HR: variants seen among roughly 807,000 people sequenced by gnomAD.
HR encodes lysine-specific demethylase hairless.
Under a neutral mutation model 128.6 loss-of-function variants are expected in HR, and 83 were observed. The observed-to-expected ratio is 0.65, with a 90% CI of 0.54 to 0.77. The LOEUF (loss-of-function observed/expected upper bound fraction) is 0.77, where lower values mean the gene tolerates loss of function less well. Ranked by LOEUF, HR falls within the 30% of genes least tolerant of loss-of-function variation. The pLI is 0.00. For synonymous variants in HR, 681 were observed against 658.2 expected (o/e 1.03, Z -0.53); for missense variants, 1,490 against 1,574.6 (o/e 0.95, Z 0.91).
intron 16 of HR, 79 bp from the exon 17 acceptor site, chr8:22,117,118 G>T: frequency 7.4e-7 from 1 of 1,357,876 alleles, no homozygotes; most frequent in Non-Finnish European, 9.7e-7. Context: ...GGACTTTCCA[G>T]AGGCCAGGGG....
At position 22,127,538 on chromosome 8, in the gene HR, G is replaced by A. The variant is rs1424089534; in HGVS notation, c.904C>T (p.Leu302Phe). Residue 302 changes from leucine (L) to phenylalanine (F), a missense_variant, in exon 3 of 19, where the codon CTT (leucine) becomes TTT (phenylalanine). Transcript: ENST00000381418. ...NVWAGPGDGN[L>F]GYQLGPPATP... ...GCTGGTGGCCCCAGCTGGTACCCAA[G>A]GTTCCCATCGCCTGGCCCAGCCCAG... 1.9e-6 allele frequency: 3 copies of A among 1,613,132 alleles called. No individual in the cohort carries two copies. The South Asian group carries it at 3.3e-5, about 18-fold the overall frequency.
upstream of HR, chr8:22,131,024 C>G (rs546226328): frequency 1.3e-5 from 2 of 152,376 alleles, no homozygotes; most frequent in Admixed American, 1.3e-4. Flanking sequence ...AGTGGGGAAG[C>G]TGCTCCGCCG....
chr8:22,118,920 G>T, intron 16 of HR, 30 bp downstream of exon 16: 1 of 1,578,788 alleles, frequency 6.3e-7, no homozygotes, highest in Non-Finnish European at 8.7e-7. Flanking sequence ...TGGGCGGGGG[G>T]AAGGGGAGGG....
Position 22,127,262 on chromosome 8 carries a change from G to T in HR, c.1180C>A (p.Pro394Thr). 6.2e-7 allele frequency: 1 copy of T among 1,613,168 alleles called. No individual in the cohort carries two copies. Among genetic ancestry groups the T allele is most frequent in the Non-Finnish European group, 8.5e-7 (1 of 1,180,016 alleles). Residue 394 changes from proline to threonine, a missense_variant, in exon 3 of 19, where the codon CCA (proline) becomes ACA (threonine). Pro to Thr is a conservative substitution (Grantham distance 38). Around this residue, in one of 3 missense-constraint regions of HR, gnomAD observed 1,060 missense variants for 1,060.9 expected, o/e 1.00. Coordinates refer to ENST00000381418, the MANE Select transcript of HR (RefSeq NM_005144.5). ...LTRHSEQFECPRGCPEVEERP... is the reference protein window; with the variant it reads ...LTRHSEQFECTRGCPEVEERP... ...TCCTCGACCTCAGGGCAGCCGCGTG[G>T]ACATTCAAACTGCTCCGAGTGCCGT... is the stretch of plus-strand genomic sequence containing the variant.
In HR at chr8:22,120,736, C is replaced by A; in HGVS notation, c.2590G>T (p.Glu864Ter). ...CTCACCTGGCCCTGCCTCCAGTGCT[C>A]CTGGAAGAGGTGGAAGCCACGCCGA... The part of the protein sequence containing the change: ...CPRRGFHLFQ[E>*]HWRQGQPVLV... The change falls in exon 11 of 19, where the codon GAG (glutamate) becomes TAG (stop). Residue 864 changes from glutamate to a stop codon, truncating the protein, a stop_gained. Transcript: ENST00000381418. LOFTEE classifies it high-confidence loss of function. 1 of 1,506,316 alleles carries A rather than the reference C, an allele frequency of 6.6e-7. No homozygotes were observed. Among genetic ancestry groups the A allele is most frequent in the East Asian group, 2.5e-5 (1 of 40,526 alleles). The allele number at this position is 1,506,316 out of a possible 1,614,324, so 93.3% of individuals were successfully genotyped here.
chr8:22,117,016 G>C lies in HR; in HGVS notation c.3237C>G (p.Ala1079=), dbSNP rs749243543. Residue 1079 remains alanine, a synonymous_variant, in exon 17 of 19, where the codon GCC becomes GCG. Coordinates refer to ENST00000381418, the MANE Select transcript of HR (RefSeq NM_005144.5). ...AGCTGCCTGGGGCGCCAGGCTCCAG[G>C]GCGCCTGCCCCGGCCGGGCACACCT... ...LQMVCPAGAG[A]LEPGAPGSCY... 6.6e-7 allele frequency: 1 copy of C among 1,520,284 alleles called. No homozygotes were observed. The highest frequency in any genetic ancestry group is 1.2e-5 in the South Asian group (1 of 81,118). The allele number at this position is 1,520,284 out of a possible 1,614,324, so 94.2% of individuals were successfully genotyped here.
intron 6 of HR, 32 bp downstream of exon 6, chr8:22,123,617 T>TTGGGGGCGGCC: frequency 3.4e-6 from 1 of 292,092 alleles, no homozygotes; most frequent in Non-Finnish European, 6.2e-6. Context: ...GAGGGCTCCA[T>TTGGGGGCGGCC]CCCGCCCTCC....
At chr8:22,123,617 T>TGG in intron 6 of HR, 32 bp downstream of exon 6, 17 of 292,080 alleles carry the variant, frequency 5.8e-5, no homozygotes, top group Non-Finnish European at 8.7e-5. Flanking sequence ...GAGGGCTCCA[T>TGG]CCCGCCCTCC....
intron 16 of HR, 181 bp downstream of exon 16, chr8:22,118,769 C>A: frequency 1.6e-6 from 1 of 614,040 alleles, no homozygotes. Flanking sequence ...CTCTGAGCCC[C>A]ACGGCAGAAC....
intron 9 of HR, 26 bp from the exon 10 acceptor site, chr8:22,121,254 G>A (rs370739747): frequency 6.2e-7 from 1 of 1,611,490 alleles, no homozygotes; most frequent in South Asian, 1.1e-5. Flanking sequence ...ATGGTGGGGG[G>A]CTTCGCGTTT....
chr8:22,125,584 C>T lies in HR; in HGVS notation c.1554G>A (p.Arg518=), dbSNP rs770423583. 1 of 1,612,916 alleles carries T rather than the reference C, an allele frequency of 6.2e-7. No individual in the cohort carries two copies. Among genetic ancestry groups the T allele is most frequent in the East Asian group, 2.2e-5 (1 of 44,848 alleles). The change falls in exon 4 of 19, where the codon CGG becomes CGA. Residue 518 remains arginine, a splice_region_variant and synonymous_variant. Coordinates refer to ENST00000381418, the MANE Select transcript of HR (RefSeq NM_005144.5). ...GGHACHSQQV[R]RSPLGGELQQ... ...GGTGTCCAGGGGCAATGGCTCACCT[C>T]CGCACTTGCTGAGAGTGGCAGGCGT... is the stretch of plus-strand genomic sequence containing the variant.
In HR at chr8:22,124,419, A is replaced by G. The variant is rs560895763; in HGVS notation, c.1751-606T>C. On this transcript the variant is annotated intron_variant, in intron 5 of 18. Transcript: ENST00000381418. The stretch of plus-strand genomic sequence containing the variant: ...CAGGAGTGGGGTTTTCTAAGAACCA[A>G]GTATGAGACTAAGCCATTGTTGGTA... Among the ~76,000 whole-genome samples, 6 of 152,328 alleles carry G rather than the reference A, an allele frequency of 3.9e-5. No homozygotes were observed. In the South Asian group the frequency reaches 1.0e-3, roughly 26 times the overall value.
At chr8:22,126,984 G>C in intron 3 of HR, 53 bp downstream of exon 3, 718 of 1,263,128 alleles carry the variant, frequency 5.7e-4, no homozygotes, top group Middle Eastern at 1.1e-3. Context: ...CGAAGCCCCA[G>C]CCCCGGCTGC....
chr8:22,126,962 C>A (rs558362524), intron 3 of HR, 75 bp downstream of exon 3: 268 of 1,464,274 alleles, frequency 1.8e-4, no homozygotes, highest in Non-Finnish European at 2.3e-4. Flanking sequence ...AGCCTACAGA[C>A]CCCGCCCCAT....
Position 22,121,154 on chromosome 8 carries a change from C to T in HR, c.2278G>A (p.Glu760Lys), listed in dbSNP as rs146456920. 3.7e-4 allele frequency: 600 copies of T among 1,613,810 alleles called. No individual in the cohort carries two copies. Among genetic ancestry groups the T allele is most frequent in the Non-Finnish European group, 4.9e-4 (573 of 1,180,034 alleles). Residue 760 changes from glutamate (E) to lysine (K), a missense_variant, in exon 10 of 19, where the codon GAA becomes AAA. Coordinates refer to ENST00000381418, the MANE Select transcript of HR (RefSeq NM_005144.5). ...TTGACCGCGGTAGAAGCCAGCAGTT[C>T]GCAGAGAGAAGGACAAGGCAGGGGC... Reference protein sequence around the residue: ...RGPLPCPSLCELLASTAVKLC... With the variant: ...RGPLPCPSLCKLLASTAVKLC...
rs375569964 is a variant in HR at position 22,118,640 on chromosome 8, G to A, written c.3213+310C>T. 2.2e-3 allele frequency: 977 copies of A among 441,780 alleles called. 14 individuals are homozygous for A. The highest frequency in any genetic ancestry group is 0.016 in the African/African-American group (832 of 50,490). The allele number at this position is 441,780 out of a possible 1,614,324, so 27.4% of individuals were successfully genotyped here. A position where few individuals can be genotyped will look rare whatever the true frequency, so the allele number is the denominator to read the frequency against. The stretch of plus-strand genomic sequence containing the variant: ...GCAGTGCCTGCCTCATGGGGCGGGG[G>A]GCTGAGACGGGTAACAGATAATTGT... On this transcript the variant is annotated intron_variant, in intron 16 of 18. Coordinates refer to ENST00000381418, the MANE Select transcript of HR (RefSeq NM_005144.5).
At chr8:22,125,237 G>A (rs552200117) in intron 5 of HR, 74 bp downstream of exon 5, 2 of 1,463,558 alleles carry the variant, frequency 1.4e-6, no homozygotes, top group Admixed American at 2.0e-5. Context: ...CTGGCAGTGT[G>A]GGTGGGGTCA....
At chr8:22,126,774 G>A (rs1234840726) in intron 3 of HR, among the ~76,000 whole-genome samples, 5 of 152,206 alleles carry the variant, frequency 3.3e-5, no homozygotes, top group Non-Finnish European at 7.3e-5. Context: ...AGGCACTCTG[G>A]CTCCAGAGCC....
Position 22,116,839 on chromosome 8 carries a change from G to A in HR, c.3378+36C>T. ...TTGATTGGGTCGCTTCTGCCATCCT[G>A]ATCTCCCCGCAGAGCCCCTGCCCGC... On this transcript the variant is annotated intron_variant, in intron 17 of 18. Coordinates refer to ENST00000381418, the MANE Select transcript of HR (RefSeq NM_005144.5). This position sits in a 1 kb window ranked among gnomAD's most constrained non-coding sequence, Gnocchi z 4.2. 6.4e-7 allele frequency: 1 copy of A among 1,556,250 alleles called. No individual in the cohort carries two copies. The highest frequency in any genetic ancestry group is 8.7e-7 in the Non-Finnish European group (1 of 1,154,906).
Sources: gnomAD v4.1 joint callset for allele counts (sites outside exome capture counted in the v4.1 genomes callset) on GRCh38, gnomAD v4.1.1 for gene constraint, gnomAD v4.1.1 regional missense constraint, Gnocchi (gnomAD v3.1) non-coding constraint, MANE v1.5 for transcripts, NCBI Gene and HGNC (gene_info 2026-07-23, HGNC 2026-07-21) for gene names.